The following ZNF234 variants were observed in gnomAD, a reference collection of about 807,000 sequenced individuals.
ZNF234 encodes the protein C2-H2 type zinc finger protein.
ZNF234 carries 4 observed loss-of-function variants against 10.3 expected under a neutral mutation model. That is an observed-to-expected ratio of 0.39 (90% confidence interval 0.19 to 0.89). ZNF234 has a LOEUF of 0.89. Ranked by LOEUF, ZNF234 falls within the 40% of genes least tolerant of loss-of-function variation. ZNF234 has a pLI of 0.38. For synonymous variants in ZNF234, 258 were observed against 280.1 expected (o/e 0.92, Z 0.79); for missense variants, 711 against 836.1 (o/e 0.85, Z 1.85).
chr19:44,156,621 A>G lies in ZNF234; in HGVS notation c.605A>G (p.Lys202Arg). 6.2e-7 allele frequency: 1 copy of G among 1,614,192 alleles called. No homozygotes were observed. Among genetic ancestry groups the G allele is most frequent in the South Asian group, 1.1e-5 (1 of 91,084 alleles). The change falls in exon 6 of 6, where the codon AAA becomes AGA. Residue 202 changes from lysine to arginine, a missense_variant. Physicochemically the swap from Lys to Arg is conservative, Grantham distance 26 (BLOSUM62 2). Transcript: ENST00000426739. Reference protein sequence around the residue: ...HIHQRVHMGEKCYKCDVCGKE... With the variant: ...HIHQRVHMGERCYKCDVCGKE... The stretch of plus-strand genomic sequence containing the variant: ...CATCAAAGAGTCCACATGGGAGAGA[A>G]ATGCTATAAGTGTGACGTGTGTGGT...
At chr19:44,143,028 TG>T (rs1207176044) in intron 2 of ZNF234, among the ~76,000 whole-genome samples, 1 of 152,250 alleles carries the variant, frequency 6.6e-6, no homozygotes, top group Non-Finnish European at 1.5e-5. Context: ...ACTAGTGACC[TG>T]CCATATTCTA....
chr19:44,157,951 T>TCA lies in ZNF234; in HGVS notation c.1939_1940dup (p.Gly648LeufsTer22). The TCA allele has an allele frequency of 6.2e-7, 1 of 1,613,938 alleles. No homozygotes were observed. Among genetic ancestry groups the TCA allele is most frequent in the Middle Eastern group, 1.6e-4 (1 of 6,062 alleles). ...CACAATTACAGTATCATAGGCGAGT[T>TCA]CACACTGGGGAAAAACCTTACAAAT... On this transcript the variant is annotated frameshift_variant, in exon 6 of 6. Coordinates refer to ENST00000426739, the MANE Select transcript of ZNF234 (RefSeq NM_006630.3). LOFTEE classifies it low-confidence loss of function (END_TRUNC).
chr19:44,143,232 C>T (rs974795300), intron 2 of ZNF234, among the ~76,000 whole-genome samples: 3 of 149,968 alleles, frequency 2.0e-5, no homozygotes, highest in South Asian at 2.1e-4. Context: ...GGTCACAGCC[C>T]GAGTAATCCC....
chr19:44,159,515 G>GA lies in ZNF234; in HGVS notation c.*1403dup. The GA allele has an allele frequency of 2.6e-6, 1 of 386,942 alleles. No homozygotes were observed. The highest frequency in any genetic ancestry group is 1.8e-5 in the South Asian group (1 of 54,506). 24.0% of individuals were successfully genotyped at this position (386,942 alleles called of 1,614,324 possible). A position where few individuals can be genotyped will look rare whatever the true frequency, so the allele number is the denominator to read the frequency against. On this transcript the variant is annotated 3_prime_UTR_variant, in exon 6 of 6. Transcript: ENST00000426739. ...TGTGATTTTTCTGACAGTGCAGACTGAAAAAAATTTAATTAACCTGACAAG... is the reference window on the plus strand; with the variant it reads ...TGTGATTTTTCTGACAGTGCAGACTGAAAAAAAATTTAATTAACCTGACAAG...
chr19:44,158,586 A>C lies in ZNF234; in HGVS notation c.*467A>C, dbSNP rs1466386324. 2 of 191,268 alleles carry C rather than the reference A, an allele frequency of 1.0e-5. No homozygotes were observed. The highest frequency in any genetic ancestry group is 1.8e-4 in the South Asian group (2 of 10,926). The allele number at this position is 191,268 out of a possible 1,614,324, so 11.8% of individuals were successfully genotyped here. On this transcript the variant is annotated 3_prime_UTR_variant, in exon 6 of 6. Transcript: ENST00000426739. Reference sequence around the variant, plus strand: ...ATGATTGCCTTCTAATTACAGTAGCATTCTCTTATTTAAAATATTTGTTTT... The same window carrying C: ...ATGATTGCCTTCTAATTACAGTAGCCTTCTCTTATTTAAAATATTTGTTTT...
chr19:44,154,860 C>A (rs1968842340), intron 5 of ZNF234, among the ~76,000 whole-genome samples: 1 of 151,968 alleles, frequency 6.6e-6, no homozygotes, highest in Admixed American at 6.6e-5. Flanking sequence ...TGGTCTTGAA[C>A]TCCTGGGCTC....
At chr19:44,150,557 C>A in intron 5 of ZNF234, 52 bp downstream of exon 5, 1 of 1,423,854 alleles carries the variant, frequency 7.0e-7, no homozygotes. Flanking sequence ...ATCTGTTGTA[C>A]TTCTCTCCCC....
chr19:44,141,764 T>A lies in ZNF234; in HGVS notation c.-131+31T>A, dbSNP rs555402827. 4 of 152,550 alleles carry A rather than the reference T, an allele frequency of 2.6e-5. No homozygotes were observed. In the South Asian group the frequency reaches 8.2e-4, roughly 31 times the overall value. 9.4% of individuals were successfully genotyped at this position (152,550 alleles called of 1,614,324 possible). A position where few individuals can be genotyped will look rare whatever the true frequency, so the allele number is the denominator to read the frequency against. ...GTGGGGCGAGGGCGGCGGCTTTTGT[T>A]GTGTCAGCGGAGCCTTCTTGGGCTG... On this transcript the variant is annotated intron_variant, in intron 1 of 5. Transcript: ENST00000426739. The surrounding 1 kb of genome is among the most constrained non-coding windows in gnomAD (Gnocchi z 4.6).
At chr19:44,150,194 C>T (rs188127315) in intron 4 of ZNF234, among the ~76,000 whole-genome samples, 4 of 152,208 alleles carry the variant, frequency 2.6e-5, no homozygotes, top group African/African-American at 9.6e-5. Flanking sequence ...CTAAGGCAAG[C>T]GAACTAACTC....
At chr19:44,153,164 T>TTATATATATATATATATA (rs1568552114) in intron 5 of ZNF234, among the ~76,000 whole-genome samples, 1 of 54,868 alleles carries the variant, frequency 1.8e-5, no homozygotes, top group African/African-American at 1.7e-4. Flanking sequence ...CATGTATTCA[T>TTATATATATATATATATA]CATATATATA....
At chr19:44,152,990 T>G (rs541207026) in intron 5 of ZNF234, among the ~76,000 whole-genome samples, 73 of 152,116 alleles carry the variant, frequency 4.8e-4, no homozygotes, top group African/African-American at 1.6e-3. Flanking sequence ...TGTCATACAA[T>G]TTTTCCTTTA....
chr19:44,159,153 A>G lies in ZNF234; in HGVS notation c.*1034A>G, dbSNP rs1968980551. On this transcript the variant is annotated 3_prime_UTR_variant, in exon 6 of 6. Transcript: ENST00000426739. The stretch of plus-strand genomic sequence containing the variant: ...GCCTGTCTAGTTTCCCAAAGGTTTT[A>G]TAAAACATAAGTTGAAGTACCTTTA... The G allele has an allele frequency of 6.6e-6, 1 of 152,270 alleles. No individual in the cohort carries two copies. The highest frequency in any genetic ancestry group is 2.4e-5 in the African/African-American group (1 of 41,436). 9.4% of individuals were successfully genotyped at this position (152,270 alleles called of 1,614,324 possible).
rs1311376609 is a variant in ZNF234 at position 44,144,605 on chromosome 19, C to T, written c.-28C>T. On this transcript the variant is annotated 5_prime_UTR_variant, in exon 3 of 6. Transcript: ENST00000426739. The stretch of plus-strand genomic sequence containing the variant: ...CTCTCAAATGGCATAACTCAGGACT[C>T]TGCAAATTCCCAGAAACAGGAGGAA... 1 of 1,565,218 alleles carries T rather than the reference C, an allele frequency of 6.4e-7. No homozygotes were observed. Among genetic ancestry groups the T allele is most frequent in the Admixed American group, 1.8e-5 (1 of 56,398 alleles).
intron 5 of ZNF234, 31 bp from the exon 6 acceptor site, chr19:44,156,221 C>A: frequency 6.6e-7 from 1 of 1,520,514 alleles, no homozygotes; most frequent in Non-Finnish European, 8.8e-7. Flanking sequence ...TTAACAGAGC[C>A]TCCACATCTC....
chr19:44,150,441 C>T lies in ZNF234; in HGVS notation c.171C>T (p.Phe57=), dbSNP rs1254197960. Residue 57 remains phenylalanine, a synonymous_variant, in exon 5 of 6, where the codon TTC becomes TTT. Coordinates refer to ENST00000426739, the MANE Select transcript of ZNF234 (RefSeq NM_006630.3). The part of the protein sequence containing the change: ...VGHHPFKHDV[F]LLEKEKKLDI... ...ATCACCCCTTCAAACATGATGTATT[C>T]CTTTTAGAAAAGGAAAAAAAGCTTG... 6 of 1,588,512 alleles carry T rather than the reference C, an allele frequency of 3.8e-6. No individual in the cohort carries two copies. The highest frequency in any genetic ancestry group is 1.7e-4 in the Middle Eastern group (1 of 6,028).
chr19:44,146,832 T>A (rs1490640148), intron 3 of ZNF234, among the ~76,000 whole-genome samples: 1 of 102,266 alleles, frequency 9.8e-6, no homozygotes, highest in East Asian at 3.0e-4. Context: ...TTTTTTTTTT[T>A]TGAGACAGAG....
chr19:44,152,810 G>A (rs1251559610), intron 5 of ZNF234, among the ~76,000 whole-genome samples: 3 of 152,054 alleles, frequency 2.0e-5, no homozygotes, highest in African/African-American at 4.8e-5. Context: ...GTGCCCATCC[G>A]TATCACTGCC....
intron 3 of ZNF234, 131 bp downstream of exon 3, chr19:44,144,778 G>T: frequency 1.3e-6 from 1 of 768,516 alleles, no homozygotes; most frequent in South Asian, 4.7e-5. Context: ...CTTTTGAGTT[G>T]ACTTTGTTTT....
At chr19:44,151,031 T>TAA (rs56994246) in intron 5 of ZNF234, among the ~76,000 whole-genome samples, 1 of 145,424 alleles carries the variant, frequency 6.9e-6, no homozygotes, top group Non-Finnish European at 1.5e-5. Context: ...CACTCCATCT[T>TAA]AAAAAAAAAA....
Sources: allele counts gnomAD v4.1 joint callset (sites outside exome capture counted in the v4.1 genomes callset), GRCh38; gene constraint gnomAD v4.1.1; non-coding constraint Gnocchi (gnomAD v3.1); transcripts MANE v1.5; gene names NCBI Gene and HGNC (gene_info 2026-07-23, HGNC 2026-07-21).